RYR2: variants seen among roughly 807,000 people sequenced by gnomAD.
The protein encoded by RYR2 is ryanodine receptor 2.
Under a neutral mutation model 601.1 loss-of-function variants are expected in RYR2, and 227 were observed. The observed-to-expected ratio is 0.38, with a 90% CI of 0.34 to 0.42. The LOEUF is 0.42. RYR2 is among the 10% of genes least tolerant of loss of function. The pLI is 1.00. For synonymous variants in RYR2, 2,223 were observed against 2,175.1 expected, an observed-to-expected ratio of 1.02 and a Z score of -0.61; for missense variants, 4,646 against 6,156.5, an observed-to-expected ratio of 0.75 and a Z score of 8.21.
chr1:237,424,414 T>G (rs926315630), intron 12 of RYR2, among the ~76,000 whole-genome samples: 1 of 152,228 alleles, frequency 6.6e-6, no homozygotes, highest in African/African-American at 2.4e-5. Context: ...CTTTGTTTTT[T>G]CACTGCTAGG....
At chr1:237,826,666 T>C (rs1044810628) in intron 101 of RYR2, among the ~76,000 whole-genome samples, 4 of 152,174 alleles carry the variant, frequency 2.6e-5, no homozygotes, top group African/African-American at 9.7e-5. Flanking sequence ...TACATTCAAG[T>C]ACCCAGTCTA....
intron 1 of RYR2, among the ~76,000 whole-genome samples, chr1:237,248,279 CCCG>C (rs1280634658): frequency 2.2e-4 from 14 of 62,924 alleles, no homozygotes; most frequent in African/African-American, 1.1e-3. Flanking sequence ...CCCCCGCAAC[CCCG>C]CCCCCCCCCC....
intron 1 of RYR2, among the ~76,000 whole-genome samples, chr1:237,110,961 A>C (rs1029830475): frequency 4.6e-5 from 7 of 152,198 alleles, no homozygotes; most frequent in Non-Finnish European, 2.9e-5. Context: ...GAATTCAATG[A>C]CATTTTCAAG....
chr1:237,710,699 G>GTAGACAGATAGATAGA (rs1553295064), intron 70 of RYR2, among the ~76,000 whole-genome samples: 1 of 150,528 alleles, frequency 6.6e-6, no homozygotes, highest in East Asian at 2.0e-4. Context: ...GATTAGGTAT[G>GTAGACAGATAGATAGA]TAGATAGATA....
Position 237,832,862 on chromosome 1 carries a change from T to C in RYR2, c.*215T>C. The C allele has an allele frequency of 4.7e-6, 2 of 421,862 alleles. No individual in the cohort carries two copies. Among genetic ancestry groups the C allele is most frequent in the East Asian group, 7.4e-5 (2 of 27,030 alleles). 26.1% of individuals were successfully genotyped at this position (421,862 alleles called of 1,614,324 possible). A position where few individuals can be genotyped will look rare whatever the true frequency, so the allele number is the denominator to read the frequency against. ...AAGACTGAAGAATAATCTAAATTCA[T>C]ACTCAGACAAAAAAAGGAATTCTGG... is the stretch of plus-strand genomic sequence containing the variant. On this transcript the variant is annotated 3_prime_UTR_variant, in exon 105 of 105. Transcript: ENST00000366574.
chr1:237,425,985 C>A (rs894673965), intron 12 of RYR2, among the ~76,000 whole-genome samples: 1 of 151,686 alleles, frequency 6.6e-6, no homozygotes, highest in Non-Finnish European at 1.5e-5. Flanking sequence ...CTGATTTATG[C>A]GATCATTATT....
intron 1 of RYR2, among the ~76,000 whole-genome samples, chr1:237,214,906 G>A (rs532706900): frequency 6.6e-6 from 1 of 152,242 alleles, no homozygotes; most frequent in Admixed American, 6.5e-5. Context: ...AGGCATCCTG[G>A]AGCACGTATA....
intron 3 of RYR2, among the ~76,000 whole-genome samples, chr1:237,346,084 G>C (rs1314116959): frequency 6.6e-6 from 1 of 152,074 alleles, no homozygotes; most frequent in Non-Finnish European, 1.5e-5. Flanking sequence ...TGCATATCCA[G>C]GCTGGGTGCG....
chr1:237,545,017 TA>T (rs1669651442), intron 25 of RYR2, among the ~76,000 whole-genome samples: 1 of 152,206 alleles, frequency 6.6e-6, no homozygotes, highest in African/African-American at 2.4e-5. Flanking sequence ...ATTAGCCATT[TA>T]AAAAAACAAT....
chr1:237,532,541 T>G (rs771012063), intron 25 of RYR2, among the ~76,000 whole-genome samples: 3 of 151,874 alleles, frequency 2.0e-5, no homozygotes, highest in Non-Finnish European at 4.4e-5. Context: ...TCCAAACCAC[T>G]CTCAGGTTTT....
At chr1:237,099,561 C>T (rs1379100663) in intron 1 of RYR2, among the ~76,000 whole-genome samples, 1 of 152,128 alleles carries the variant, frequency 6.6e-6, no homozygotes, top group Admixed American at 6.5e-5. Context: ...TTTGACAGCT[C>T]TTTGCCATTG....
chr1:237,275,064 C>A (rs2149361763), intron 2 of RYR2, among the ~76,000 whole-genome samples: 1 of 151,670 alleles, frequency 6.6e-6, no homozygotes, highest in Admixed American at 6.6e-5. Flanking sequence ...ATATATCATC[C>A]ATGGGTGATG....
intron 3 of RYR2, among the ~76,000 whole-genome samples, chr1:237,339,599 C>T (rs1008300087): frequency 2.0e-5 from 3 of 152,014 alleles, no homozygotes; most frequent in African/African-American, 7.2e-5. Flanking sequence ...TCATCTTTTA[C>T]CACCTAATTA....
At position 237,268,269 on chromosome 1, in the gene RYR2, G is replaced by A. The variant is rs1689264714; in HGVS notation, c.49-2228G>A. Among the ~76,000 whole-genome samples, 3 of 152,074 alleles carry A rather than the reference G, an allele frequency of 2.0e-5. No individual in the cohort carries two copies. In the South Asian group the frequency reaches 6.2e-4, roughly 32 times the overall value. ...TTGCATGTTAGAGTTAGTTCCATAG[G>A]GTAGGTGAGACAAAATAGTAAAAGC... is the stretch of plus-strand genomic sequence containing the variant. On this transcript the variant is annotated intron_variant, in intron 1 of 104. Transcript: ENST00000366574.
chr1:237,613,242 A>G (rs1678082308), intron 36 of RYR2, among the ~76,000 whole-genome samples: 1 of 152,190 alleles, frequency 6.6e-6, no homozygotes, highest in Admixed American at 6.5e-5. Flanking sequence ...AACACATGTC[A>G]CAGTTTATAA....
intron 52 of RYR2, among the ~76,000 whole-genome samples, chr1:237,655,156 T>C (rs763877522): frequency 3.5e-4 from 53 of 152,212 alleles, no homozygotes; most frequent in Non-Finnish European, 5.6e-4. Flanking sequence ...GTAAACTGAG[T>C]CCTTTTAAAA....
In RYR2 at chr1:237,186,877, G is replaced by A. The variant is rs367762941; in HGVS notation, c.49-83620G>A. ...AATAGCTGCAGAGCTGATAGGCTGC[G>A]GAGGCTGCAGCCCGCATTGAGCAGC... On this transcript the variant is annotated intron_variant, in intron 1 of 104. Coordinates refer to ENST00000366574, the MANE Select transcript of RYR2 (RefSeq NM_001035.3). Among the ~76,000 whole-genome samples the A allele has an allele frequency of 1.4e-4, 21 of 152,346 alleles. No individual in the cohort carries two copies. The East Asian group carries it at 2.7e-3, about 20-fold the overall frequency.
At chr1:237,621,557 A>G (rs1181518964) in intron 38 of RYR2, among the ~76,000 whole-genome samples, 2 of 152,220 alleles carry the variant, frequency 1.3e-5, no homozygotes, top group Non-Finnish European at 2.9e-5. Flanking sequence ...ACCAGGAATG[A>G]AACTACTTAT....
intron 1 of RYR2, among the ~76,000 whole-genome samples, chr1:237,125,989 C>A (rs1671366139): frequency 1.3e-5 from 2 of 152,190 alleles, no homozygotes; most frequent in South Asian, 4.1e-4. Flanking sequence ...ATAATCCCAA[C>A]ACTTTGGGAG....
Sources: gnomAD v4.1 joint callset for allele counts (sites outside exome capture counted in the v4.1 genomes callset) on GRCh38, gnomAD v4.1.1 for gene constraint, MANE v1.5 for transcripts, NCBI Gene and HGNC (gene_info 2026-07-23, HGNC 2026-07-21) for gene names.